The following DNAH1 variants were observed in gnomAD, a reference collection of about 807,000 sequenced individuals.
DNAH1 encodes axonemal beta dynein heavy chain 1.
A neutral mutation model predicts 484.3 loss-of-function variants in DNAH1; 327 were observed. The ratio of observed to expected loss-of-function variants is 0.68; its 90% confidence interval spans 0.62 to 0.74. The LOEUF (loss-of-function observed/expected upper bound fraction) is 0.74, where lower values mean the gene tolerates loss of function less well. Among genes scored for constraint, DNAH1 ranks in the 30% least tolerant of loss-of-function variants. The pLI, the probability that DNAH1 is intolerant of heterozygous loss-of-function variation, is 0.00. For missense variants in DNAH1, 5,052 were observed against 5,546.8 expected (o/e 0.91, Z 2.83); for synonymous variants, 2,192 against 2,191.9 (o/e 1.00, Z 0.00).
chr3:52,348,797 C>G (rs755089868), intron 12 of DNAH1, 91 bp from the exon 13 acceptor site: 14 of 1,433,966 alleles, frequency 9.8e-6, no homozygotes, highest in Middle Eastern at 1.8e-4. Context: ...CCCTGCTTGC[C>G]CTGCTCCTCG....
rs371378194 is a variant in DNAH1, at chr3:52,368,801, G to C, written c.5826G>C (p.Lys1942Asn). 29 of 1,613,890 alleles carry C rather than the reference G, an allele frequency of 1.8e-5. No individual in the cohort carries two copies. The highest frequency in any genetic ancestry group is 2.4e-5 in the Non-Finnish European group (28 of 1,179,898). Residue 1942 changes from lysine (K) to asparagine (N), a missense_variant, in exon 37 of 78, where the codon AAG becomes AAC. Physicochemically the swap from Lys to Asn is moderately conservative, Grantham distance 94 (BLOSUM62 0). Around this residue, in one of 4 missense-constraint regions of DNAH1, gnomAD observed 2,929 missense variants for 3,409.4 expected, o/e 0.86. Transcript: ENST00000420323. The surrounding 1 kb of genome is among the most constrained non-coding windows in gnomAD (Gnocchi z 4.4). ...GGGCCATCACCTCCGACACCAACAA[G>C]AAGTGGTACATGTTCGATGGGCCGG... ...RAGAITSDTN[K>N]KWYMFDGPVD...
At position 52,396,882 on chromosome 3, in the gene DNAH1, G is replaced by A. The variant is rs755466126; in HGVS notation, c.11625G>A (p.Thr3875=). 21 of 1,274,088 alleles carry A rather than the reference G, an allele frequency of 1.6e-5. No individual in the cohort carries two copies. Among genetic ancestry groups the A allele is most frequent in the Admixed American group, 5.6e-5 (3 of 53,192 alleles). 78.9% of individuals were successfully genotyped at this position (1,274,088 alleles called of 1,614,324 possible). The change falls in exon 73 of 78, where the codon ACG becomes ACA. Residue 3875 remains threonine, a synonymous_variant. Transcript: ENST00000420323. The part of the protein sequence containing the change: ...DDIPYKVLKY[T]AGEINYGGRV... ...CCACCCCATAGGTCCTCAAGTACAC[G>A]GCAGGGGAGATCAATTACGGGGGCC...
intron 32 of DNAH1, 78 bp downstream of exon 32, chr3:52,363,222 C>A: frequency 6.4e-7 from 1 of 1,573,044 alleles, no homozygotes; most frequent in Non-Finnish European, 8.7e-7. Flanking sequence ...CTGCTGAGGG[C>A]CAGGCTCTAT....
rs1703981981 is a variant in DNAH1 at position 52,383,965 on chromosome 3, T to C, written c.8256T>C (p.Ser2752=). 1.2e-6 allele frequency: 2 copies of C among 1,612,184 alleles called. No homozygotes were observed. Among genetic ancestry groups the C allele is most frequent in the Non-Finnish European group, 1.7e-6 (2 of 1,179,076 alleles). The change falls in exon 52 of 78, where the codon TCT becomes TCC. Residue 2752 remains serine, a synonymous_variant. Coordinates refer to ENST00000420323, the MANE Select transcript of DNAH1 (RefSeq NM_015512.5). ...FNEWPAEALK[S]VATVFLNEIP... is the part of the protein sequence containing the mutation. The stretch of plus-strand genomic sequence containing the variant: ...AGTGGCCGGCAGAAGCCCTGAAGTC[T>C]GTGGCCACCGTGTTCCTCAATGAGA...
In DNAH1 at chr3:52,391,173, T is replaced by C; in HGVS notation, c.9742-6T>C. 1 of 1,613,774 alleles carries C rather than the reference T, an allele frequency of 6.2e-7. No individual in the cohort carries two copies. Among genetic ancestry groups the C allele is most frequent in the Non-Finnish European group, 8.5e-7 (1 of 1,179,756 alleles). ...TGCAACCCCTTCTTTTCCCCTTCCC[T>C]TACAGGAGAAGGACAATGGGCTGGA... is the stretch of plus-strand genomic sequence containing the variant. On this transcript the variant is annotated splice_polypyrimidine_tract_variant and splice_region_variant and intron_variant, in intron 61 of 77. Transcript: ENST00000420323.
Position 52,377,951 on chromosome 3 carries a change from C to G in DNAH1, c.7199-651C>G, listed in dbSNP as rs928655498. Among the ~76,000 whole-genome samples the G allele has an allele frequency of 2.6e-5, 4 of 152,160 alleles. No homozygotes were observed. In the East Asian group the frequency reaches 7.7e-4, roughly 29 times the overall value. On this transcript the variant is annotated intron_variant, in intron 46 of 77. Transcript: ENST00000420323. ...GTCAGCTTGAGGGCAAGGAGTGTGT[C>G]TGTTTGGGTCACTCTGTGCCCAGTG...
rs572404229 is a variant in DNAH1 at position 52,368,489 on chromosome 3, C to T, written c.5766-252C>T. Among the ~76,000 whole-genome samples, 3 of 152,312 alleles carry T rather than the reference C, an allele frequency of 2.0e-5. No individual in the cohort carries two copies. The South Asian group carries it at 6.2e-4, about 32-fold the overall frequency. ...CCTCCATCTCTGCTATTGCCTCCTC[C>T]CCTGCTCCCTTTTTCCTGTTGGGAT... On this transcript the variant is annotated intron_variant, in intron 36 of 77. Transcript: ENST00000420323. This position sits in a 1 kb window ranked among gnomAD's most constrained non-coding sequence, Gnocchi z 4.4.
At chr3:52,375,757 A>C (rs1703566337) in intron 45 of DNAH1, among the ~76,000 whole-genome samples, 198 bp from the exon 46 acceptor site, 1 of 152,162 alleles carries the variant, frequency 6.6e-6, no homozygotes, top group African/African-American at 2.4e-5. Flanking sequence ...CTTGCCCAGA[A>C]ACTCTGGGGA....
chr3:52,384,794 C>T lies in DNAH1; in HGVS notation c.8331C>T (p.Val2777=). The T allele has an allele frequency of 3.1e-6, 5 of 1,604,618 alleles. No homozygotes were observed. Among genetic ancestry groups the T allele is most frequent in the Non-Finnish European group, 4.3e-6 (5 of 1,175,536 alleles). The stretch of plus-strand genomic sequence containing the variant: ...TGGTCTTCCTCCCCCAGATCCAGGT[C>T]TGTGTGTACATCCACCAGTCGGTGT... ...SQEEIQGLIQ[V]CVYIHQSVSK... Residue 2777 remains valine (V), a synonymous_variant, in exon 53 of 78, where the codon GTC becomes GTT. Transcript: ENST00000420323.
At chr3:52,359,846 C>T in intron 26 of DNAH1, 70 bp from the exon 27 acceptor site, 1 of 1,587,934 alleles carries the variant, frequency 6.3e-7, no homozygotes, top group South Asian at 1.1e-5. Flanking sequence ...AGAAGCCCAC[C>T]CTCTGTGAAA....
chr3:52,378,859 C>G, intron 47 of DNAH1, 79 bp downstream of exon 47: 1 of 1,565,268 alleles, frequency 6.4e-7, no homozygotes, highest in East Asian at 2.3e-5. Flanking sequence ...TTCAGGCCTT[C>G]CTGCCCAAAC....
chr3:52,332,409 G>C lies in DNAH1; in HGVS notation c.1286+15G>C, dbSNP rs771331197. 2 of 1,608,994 alleles carry C rather than the reference G, an allele frequency of 1.2e-6. No homozygotes were observed. The highest frequency in any genetic ancestry group is 1.1e-5 in the South Asian group (1 of 91,048). ...AAAGGCCCCTCGTGAGTCCCCGCTC[G>C]GCCTTCCCTATTCTGGGCATCACCT... On this transcript the variant is annotated intron_variant, in intron 8 of 77. Coordinates refer to ENST00000420323, the MANE Select transcript of DNAH1 (RefSeq NM_015512.5).
In DNAH1 at chr3:52,399,789, C is replaced by T. The variant is rs1301015941; in HGVS notation, c.12676+10C>T. 1.2e-6 allele frequency: 2 copies of T among 1,612,554 alleles called. No homozygotes were observed. Among genetic ancestry groups the T allele is most frequent in the Admixed American group, 1.7e-5 (1 of 59,966 alleles). On this transcript the variant is annotated intron_variant, in intron 77 of 77. Transcript: ENST00000420323. ...ACACTGACTCGTGCTGGTATGAGGCCTGGGATGGGAGCCTACACTATGGGC... is the reference window on the plus strand; with the variant it reads ...ACACTGACTCGTGCTGGTATGAGGCTTGGGATGGGAGCCTACACTATGGGC...
In DNAH1 at chr3:52,327,846, G is replaced by A. The variant is rs746285638; in HGVS notation, c.739-36G>A. On this transcript the variant is annotated intron_variant, in intron 5 of 77. Transcript: ENST00000420323. ...GTCCCACCTGGGCCCCACTAGAGGAGCTGCTTCTTCCCAATGTTGGCCTGC... is the reference window on the plus strand; with the variant it reads ...GTCCCACCTGGGCCCCACTAGAGGAACTGCTTCTTCCCAATGTTGGCCTGC... 4 of 1,608,090 alleles carry A rather than the reference G, an allele frequency of 2.5e-6. No homozygotes were observed. The South Asian group carries it at 3.3e-5, about 13-fold the overall frequency.
rs1389611028 is a variant in DNAH1 at position 52,384,787 on chromosome 3, T to A, written c.8324T>A (p.Ile2775Asn). The change falls in exon 53 of 78, where the codon ATC becomes AAC. Residue 2775 changes from isoleucine (I) to asparagine (N), a missense_variant and splice_region_variant. This residue lies in a region of DNAH1 where 2,929 missense variants were observed against 3,409.4 expected (regional missense o/e 0.86). Transcript: ENST00000420323. ...GCATCCATGGTCTTCCTCCCCCAGATCCAGGTCTGTGTGTACATCCACCAG... is the reference window on the plus strand; with the variant it reads ...GCATCCATGGTCTTCCTCCCCCAGAACCAGGTCTGTGTGTACATCCACCAG... ...ESSQEEIQGLIQVCVYIHQSV... is the reference protein window; with the variant it reads ...ESSQEEIQGLNQVCVYIHQSV... The A allele has an allele frequency of 1.2e-5, 19 of 1,602,062 alleles. No individual in the cohort carries two copies. Among genetic ancestry groups the A allele is most frequent in the Non-Finnish European group, 1.6e-5 (19 of 1,174,312 alleles).
At chr3:52,370,364 G>T in intron 39 of DNAH1, 113 bp from the exon 40 acceptor site, 4 of 1,554,224 alleles carry the variant, frequency 2.6e-6, no homozygotes, top group Non-Finnish European at 3.5e-6. Flanking sequence ...TGTCCAATTG[G>T]CTGTAGAGAA....
chr3:52,375,187 G>A, intron 44 of DNAH1, 53 bp from the exon 45 acceptor site: 1 of 1,539,034 alleles, frequency 6.5e-7, no homozygotes, highest in Non-Finnish European at 8.8e-7. Context: ...GGCCACAAAG[G>A]TCATAATGCA....
rs1704640247 is a variant in DNAH1 at position 52,396,621 on chromosome 3, A to T, written c.11434A>T (p.Met3812Leu). Residue 3812 changes from methionine (M) to leucine (L), a missense_variant, in exon 72 of 78, where the codon ATG becomes TTG. This residue lies in a region of DNAH1 where 853 missense variants were observed against 899.0 expected (regional missense o/e 0.95). Transcript: ENST00000420323. ...CCCTGCCTCCCACCTCCCCCAGGTG[A>T]TGGAGTTCAAGTCTCTGCTGCTGTC... ...EDFLNSCHKVMEFKSLLLSLC... is the reference protein window; with the variant it reads ...EDFLNSCHKVLEFKSLLLSLC... The T allele has an allele frequency of 6.2e-7, 1 of 1,611,352 alleles. No homozygotes were observed. The highest frequency in any genetic ancestry group is 2.2e-5 in the East Asian group (1 of 44,800).
Position 52,373,009 on chromosome 3 carries a change from G to A in DNAH1, c.6941G>A (p.Arg2314His), listed in dbSNP as rs759815756. The A allele has an allele frequency of 1.4e-5, 23 of 1,613,510 alleles. No homozygotes were observed. Among genetic ancestry groups the A allele is most frequent in the East Asian group, 2.2e-5 (1 of 44,880 alleles). ...GCACAGCCACCCATCGAGCTGTTGC[G>A]CCAGTGGATGGACCACGGCGGCTGG... is the stretch of plus-strand genomic sequence containing the variant. ...YGAQPPIELL[R>H]QWMDHGGWYD... The change falls in exon 44 of 78, where the codon CGC (arginine) becomes CAC (histidine). Residue 2314 changes from arginine (R) to histidine (H), a missense_variant. Physicochemically the swap from Arg to His is conservative, Grantham distance 29 (BLOSUM62 0). Around this residue, in one of 4 missense-constraint regions of DNAH1, gnomAD observed 2,929 missense variants for 3,409.4 expected, o/e 0.86. Coordinates refer to ENST00000420323, the MANE Select transcript of DNAH1 (RefSeq NM_015512.5).
Sources: allele counts gnomAD v4.1 joint callset (sites outside exome capture counted in the v4.1 genomes callset), GRCh38; gene constraint gnomAD v4.1.1; regional missense constraint gnomAD v4.1.1; non-coding constraint Gnocchi (gnomAD v3.1); transcripts MANE v1.5; gene names NCBI Gene and HGNC (gene_info 2026-07-23, HGNC 2026-07-21).